The following ANOS1 variants were observed in gnomAD, a reference collection of about 807,000 sequenced individuals.
ANOS1 encodes anosmin-1.
Under a neutral mutation model 59.0 loss-of-function variants are expected in ANOS1, and 6 were observed. The ratio of observed to expected loss-of-function variants is 0.10; its 90% CI spans 0.06 to 0.20. ANOS1 has a LOEUF of 0.20. Among genes scored for constraint, ANOS1 ranks in the 10% least tolerant of loss-of-function variants. ANOS1 has a pLI of 1.00. For missense variants in ANOS1, 433 were observed against 542.3 expected (o/e 0.80, Z 2.00); for synonymous variants, 217 against 223.4 (o/e 0.97, Z 0.25).
rs760503709 is a variant in ANOS1 at position 8,667,708 on chromosome X, T to C, written c.255+31990A>G. Among the ~76,000 whole-genome samples the C allele has an allele frequency of 5.4e-5, 6 of 111,067 alleles. No individual in the cohort carries two copies. The East Asian group carries it at 1.7e-3, about 32-fold the overall frequency. On this transcript the variant is annotated intron_variant, in intron 2 of 13. Coordinates refer to ENST00000262648, the MANE Select transcript of ANOS1 (RefSeq NM_000216.4). ...CATCAGCCGTATGGGGGTTGCTTCT[T>C]AGAAGGAGTAAGGTAAGGTAGAGTA...
chrX:8,686,877 C>A (rs1932530875), intron 2 of ANOS1, among the ~76,000 whole-genome samples: 1 of 111,898 alleles, frequency 8.9e-6, no homozygotes. Flanking sequence ...TTGCTTGAAC[C>A]CAGGAAGTGG....
intron 1 of ANOS1, among the ~76,000 whole-genome samples, chrX:8,724,543 C>T (rs188777355): frequency 1.1e-3 from 127 of 112,393 alleles, no homozygotes; most frequent in African/African-American, 3.8e-3. Context: ...GAGAGCCAAT[C>T]GCCATGGTCT....
At chrX:8,534,597 T>G (rs1431430145) in intron 12 of ANOS1, 137 bp from the exon 13 acceptor site, 1 of 592,765 alleles carries the variant, frequency 1.7e-6, no homozygotes, top group Non-Finnish European at 2.8e-6. Context: ...TGTAAAGGCA[T>G]AGTTTAATTT....
At chrX:8,563,231 A>G (rs955548770) in intron 8 of ANOS1, among the ~76,000 whole-genome samples, 1 of 112,145 alleles carries the variant, frequency 8.9e-6, no homozygotes, top group Non-Finnish European at 1.9e-5. Flanking sequence ...ATGTAAGAGG[A>G]ATCAGTCCTG....
intron 2 of ANOS1, among the ~76,000 whole-genome samples, chrX:8,662,955 C>T (rs1305099885): frequency 3.6e-5 from 4 of 111,773 alleles, no homozygotes; most frequent in African/African-American, 9.8e-5. Flanking sequence ...ACCCGGGAGG[C>T]GGAGGTTGCG....
At chrX:8,650,008 G>T (rs1003532104) in intron 2 of ANOS1, among the ~76,000 whole-genome samples, 1 of 112,944 alleles carries the variant, frequency 8.9e-6, no homozygotes, top group African/African-American at 3.2e-5. Context: ...AAATCCTGTA[G>T]AAGTGACAGG....
Position 8,528,959 on chromosome X carries a change from A to T in ANOS1, c.*4036T>A, listed in dbSNP as rs1929451972. 1 of 112,440 alleles carries T rather than the reference A, an allele frequency of 8.9e-6. No homozygotes were observed. Among genetic ancestry groups the T allele is most frequent in the Non-Finnish European group, 1.9e-5 (1 of 53,348 alleles). 9.3% of individuals were successfully genotyped at this position (112,440 alleles called of 1,213,427 possible). ...GAGTCACAGAATATCAAGACTATTT[A>T]CAATACTTTTTTGTTTTTTACAAAA... is the stretch of plus-strand genomic sequence containing the variant. On this transcript the variant is annotated 3_prime_UTR_variant, in exon 14 of 14. Coordinates refer to ENST00000262648, the MANE Select transcript of ANOS1 (RefSeq NM_000216.4).
At chrX:8,591,363 C>T (rs1200467281) in intron 4 of ANOS1, among the ~76,000 whole-genome samples, 1 of 111,490 alleles carries the variant, frequency 9.0e-6, no homozygotes, top group Non-Finnish European at 1.9e-5. Flanking sequence ...TCATAGAGCA[C>T]ATTCTCCGAG....
At chrX:8,693,506 GAGC>G (rs1178500715) in intron 2 of ANOS1, among the ~76,000 whole-genome samples, 1 of 111,335 alleles carries the variant, frequency 9.0e-6, no homozygotes, top group African/African-American at 3.3e-5. Context: ...TTAAGACCAT[GAGC>G]AGAGCCTAAC....
chrX:8,610,535 C>G (rs758093974), intron 3 of ANOS1, among the ~76,000 whole-genome samples: 15 of 111,975 alleles, frequency 1.3e-4, no homozygotes, highest in African/African-American at 4.5e-4. Context: ...GAGAAACCTA[C>G]AGGGATTCAG....
intron 8 of ANOS1, among the ~76,000 whole-genome samples, chrX:8,567,163 A>G (rs762845344): frequency 1.8e-5 from 2 of 112,388 alleles, no homozygotes; most frequent in Admixed American, 9.4e-5. Context: ...CTTATTCTCT[A>G]AGATATGAGT....
intron 2 of ANOS1, among the ~76,000 whole-genome samples, chrX:8,694,565 A>G (rs1402502449): frequency 8.9e-6 from 1 of 112,149 alleles, no homozygotes; most frequent in African/African-American, 3.2e-5. Flanking sequence ...GTTACTCAGG[A>G]GGCTGAGGCT....
At chrX:8,696,197 C>T (rs922446047) in intron 2 of ANOS1, among the ~76,000 whole-genome samples, 4 of 111,915 alleles carry the variant, frequency 3.6e-5, no homozygotes, top group African/African-American at 1.3e-4. Context: ...GCTGGGGCCC[C>T]TGCCATTGGT....
intron 9 of ANOS1, among the ~76,000 whole-genome samples, chrX:8,549,083 C>T (rs965148375): frequency 3.6e-5 from 4 of 111,966 alleles, no homozygotes; most frequent in Non-Finnish European, 7.5e-5. Context: ...CACTCCTTGC[C>T]TTTGGATCTT....
chrX:8,563,611 C>G (rs140421846), intron 8 of ANOS1, among the ~76,000 whole-genome samples: 1 of 112,407 alleles, frequency 8.9e-6, no homozygotes, highest in African/African-American at 3.2e-5. Context: ...CTCTCTTCCC[C>G]TTTAGTATTT....
intron 3 of ANOS1, among the ~76,000 whole-genome samples, chrX:8,610,035 A>AAAAAAAAAAC (rs1931023958): frequency 2.0e-5 from 1 of 50,799 alleles, no homozygotes; most frequent in African/African-American, 7.7e-5. Flanking sequence ...AAAAAAAAAA[A>AAAAAAAAAAC]CAACAACCTT....
chrX:8,626,047 G>T (rs139461918), intron 2 of ANOS1, among the ~76,000 whole-genome samples: 7,689 of 101,153 alleles, frequency 0.076, 422 homozygotes, highest in South Asian at 0.25. Flanking sequence ...AGGAGGCAGA[G>T]GTTGCAGTGA....
At chrX:8,727,924 T>C (rs979414586) in intron 1 of ANOS1, among the ~76,000 whole-genome samples, 10 of 112,556 alleles carry the variant, frequency 8.9e-5, no homozygotes, top group African/African-American at 2.3e-4. Flanking sequence ...AACTTTAAAA[T>C]TTTCTTCACT....
intron 2 of ANOS1, among the ~76,000 whole-genome samples, chrX:8,656,418 A>G (rs1424244800): frequency 9.0e-6 from 1 of 111,394 alleles, no homozygotes; most frequent in Non-Finnish European, 1.9e-5. Flanking sequence ...CTTGCCCAAC[A>G]ATATTTAAGG....
Sources: allele counts gnomAD v4.1 joint callset (sites outside exome capture counted in the v4.1 genomes callset), GRCh38; gene constraint gnomAD v4.1.1; transcripts MANE v1.5; gene names NCBI Gene and HGNC (gene_info 2026-07-23, HGNC 2026-07-21).